The following CAPRIN1 variants were observed in gnomAD, a reference collection of about 807,000 sequenced individuals.
CAPRIN1 encodes cell cycle associated protein 1, also known as caprin-1.
A neutral mutation model predicts 100.9 loss-of-function variants in CAPRIN1; 29 were observed. The observed-to-expected ratio is 0.29, with a 90% CI of 0.21 to 0.39. The LOEUF is 0.39. Among genes scored for constraint, CAPRIN1 ranks in the 10% least tolerant of loss-of-function variants. The probability of loss-of-function intolerance (pLI) is 1.00; values close to 1 mark genes in which losing one functional copy is unlikely to be tolerated. For missense variants in CAPRIN1, 795 were observed against 876.7 expected (o/e 0.91, Z 1.18); for synonymous variants, 338 against 307.5 (o/e 1.10, Z -1.04).
intron 2 of CAPRIN1, among the ~76,000 whole-genome samples, chr11:34,067,741 C>T (rs575047778): frequency 6.6e-6 from 1 of 152,030 alleles, no homozygotes; most frequent in Non-Finnish European, 1.5e-5. Flanking sequence ...TCAAGTGATC[C>T]TTCTGCCTTG....
intron 2 of CAPRIN1, among the ~76,000 whole-genome samples, chr11:34,061,140 A>G (rs1850568391): frequency 6.6e-6 from 1 of 151,934 alleles, no homozygotes; most frequent in Non-Finnish European, 1.5e-5. Flanking sequence ...TGTGAAACTA[A>G]ACTCCTGGAT....
Position 34,086,475 on chromosome 11 carries a change from A to G in CAPRIN1, c.1231+62A>G, listed in dbSNP as rs568418340. On this transcript the variant is annotated intron_variant, in intron 11 of 18. Transcript: ENST00000341394. ...TAAGGCCAGTACTTTCAGGTTTTAA[A>G]AAGATTGTGAAAATAAATTTTGTTT... The G allele has an allele frequency of 1.2e-5, 11 of 945,436 alleles. No homozygotes were observed. In the African/African-American group the frequency reaches 1.8e-4, roughly 16 times the overall value. 58.6% of individuals were successfully genotyped at this position (945,436 alleles called of 1,614,324 possible).
At chr11:34,073,524 C>CA (rs1483112804) in intron 4 of CAPRIN1, among the ~76,000 whole-genome samples, 1 of 152,150 alleles carries the variant, frequency 6.6e-6, no homozygotes, top group Non-Finnish European at 1.5e-5. Flanking sequence ...GCCGCTGTCT[C>CA]AGCTCACTGC....
intron 11 of CAPRIN1, among the ~76,000 whole-genome samples, chr11:34,088,148 A>G (rs1252862176): frequency 2.0e-5 from 3 of 151,994 alleles, no homozygotes; most frequent in Non-Finnish European, 4.4e-5. Flanking sequence ...AAGTACAGGC[A>G]CACACCACAC....
intron 6 of CAPRIN1, among the ~76,000 whole-genome samples, chr11:34,078,800 C>T (rs1156277232): frequency 6.6e-6 from 1 of 152,110 alleles, no homozygotes; most frequent in African/African-American, 2.4e-5. Context: ...AACACTTCTT[C>T]CCCTCTACTC....
chr11:34,091,710 A>G, intron 14 of CAPRIN1, 196 bp from the exon 15 acceptor site: 1 of 478,816 alleles, frequency 2.1e-6, no homozygotes, highest in East Asian at 3.5e-5. Flanking sequence ...CTCCCCTTTA[A>G]GTACTATATG....
chr11:34,079,911 T>G (rs897845286), intron 7 of CAPRIN1, 146 bp downstream of exon 7: 64 of 1,746 alleles, frequency 0.037, no homozygotes, highest in African/African-American at 0.2. Context: ...CAAAGTTTTT[T>G]TTTTTTTTTT....
chr11:34,051,732 A>G lies in CAPRIN1; in HGVS notation c.-140A>G, dbSNP rs946042826. 6.6e-6 allele frequency: 1 copy of G among 152,044 alleles called. No individual in the cohort carries two copies. The highest frequency in any genetic ancestry group is 1.5e-5 in the Non-Finnish European group (1 of 68,072). The allele number at this position is 152,044 out of a possible 1,614,324, so 9.4% of individuals were successfully genotyped here. A position where few individuals can be genotyped will look rare whatever the true frequency, so the allele number is the denominator to read the frequency against. On this transcript the variant is annotated 5_prime_UTR_variant, in exon 1 of 19. Transcript: ENST00000341394. ...CCCTCCCGCTCCCGGCTCTCGCCTCACTAGGAGCGGCTCTCGGTGCAGCGG... is the reference window on the plus strand; with the variant it reads ...CCCTCCCGCTCCCGGCTCTCGCCTCGCTAGGAGCGGCTCTCGGTGCAGCGG...
intron 15 of CAPRIN1, among the ~76,000 whole-genome samples, chr11:34,093,120 C>CT (rs1283220938): frequency 6.6e-6 from 1 of 151,446 alleles, no homozygotes; most frequent in Non-Finnish European, 1.5e-5. Context: ...CTTATTGTCT[C>CT]TGTCTCCCAG....
chr11:34,062,884 G>C (rs572914217), intron 2 of CAPRIN1, among the ~76,000 whole-genome samples: 1 of 152,164 alleles, frequency 6.6e-6, no homozygotes, highest in East Asian at 1.9e-4. Context: ...GTTTTTTTCA[G>C]ATGTTTCCTC....
At chr11:34,068,202 A>G (rs1356443148) in intron 2 of CAPRIN1, among the ~76,000 whole-genome samples, 2 of 152,226 alleles carry the variant, frequency 1.3e-5, no homozygotes, top group Admixed American at 1.3e-4. Flanking sequence ...CTTCCTCATC[A>G]TGTGGCAGTC....
At chr11:34,075,886 C>T (rs572496539) in intron 4 of CAPRIN1, among the ~76,000 whole-genome samples, 3 of 152,172 alleles carry the variant, frequency 2.0e-5, no homozygotes, top group Non-Finnish European at 4.4e-5. Context: ...CTGTACCCAG[C>T]TTGTATATTT....
intron 6 of CAPRIN1, 141 bp from the exon 7 acceptor site, chr11:34,079,487 G>A: frequency 3.3e-6 from 2 of 608,476 alleles, no homozygotes. Flanking sequence ...TCTGTTCTTG[G>A]TGAAATGTAA....
rs1218514589 is a variant in CAPRIN1 at position 34,102,197 on chromosome 11, A to G, written c.*2830A>G. 6.6e-6 allele frequency among the ~76,000 whole-genome samples: 1 copy of G among 152,218 alleles called. No homozygotes were observed. The highest frequency in any genetic ancestry group is 2.4e-5 in the African/African-American group (1 of 41,466). ...AGACATAGAATGTGTGCTTATTCTC[A>G]GAAGGTTCATTAACTGAGGTGATGA... On this transcript the variant is annotated 3_prime_UTR_variant, in exon 19 of 19. Coordinates refer to ENST00000341394, the MANE Select transcript of CAPRIN1 (RefSeq NM_005898.5).
At chr11:34,052,028 C>G (rs1310080262) in intron 1 of CAPRIN1, 157 bp downstream of exon 1, 1 of 151,652 alleles carries the variant, frequency 6.6e-6, no homozygotes, top group Admixed American at 6.6e-5. Context: ...CCCCCAAGCC[C>G]CGACCTCTCT....
At chr11:34,075,131 A>G (rs1038967911) in intron 4 of CAPRIN1, among the ~76,000 whole-genome samples, 9 of 151,880 alleles carry the variant, frequency 5.9e-5, no homozygotes, top group Non-Finnish European at 1.3e-4. Flanking sequence ...CACTGTAGCT[A>G]TCACTTGCCA....
At chr11:34,063,468 A>G (rs998666992) in intron 2 of CAPRIN1, 1 of 152,252 alleles carries the variant, frequency 6.6e-6, no homozygotes, top group African/African-American at 2.4e-5. Flanking sequence ...AATGTCTGTT[A>G]CATAGTGAAT....
At chr11:34,066,570 G>A (rs1237123985) in intron 2 of CAPRIN1, among the ~76,000 whole-genome samples, 1 of 151,262 alleles carries the variant, frequency 6.6e-6, no homozygotes, top group African/African-American at 2.4e-5. Context: ...CTGACCTTGT[G>A]ATCCGCCTGC....
chr11:34,052,256 C>CG, intron 1 of CAPRIN1, 165 bp from the exon 2 acceptor site: 2 of 507,514 alleles, frequency 3.9e-6, no homozygotes, highest in Non-Finnish European at 6.7e-6. Flanking sequence ...CGCGCGCGCC[C>CG]GCGCACTCTT....
Sources: allele counts gnomAD v4.1 joint callset (sites outside exome capture counted in the v4.1 genomes callset), GRCh38; gene constraint gnomAD v4.1.1; transcripts MANE v1.5; gene names NCBI Gene and HGNC (gene_info 2026-07-23, HGNC 2026-07-21).